The following RAB36 variants were observed in gnomAD, a reference collection of about 807,000 sequenced individuals.
The protein encoded by RAB36 is ras-related protein Rab-36.
RAB36 carries 33 observed loss-of-function variants against 39.3 expected under a neutral mutation model. That is an observed-to-expected ratio of 0.84 (90% CI 0.64 to 1.12). The LOEUF is 1.12. Ranked by LOEUF, RAB36 falls within the 50% of genes most tolerant of loss-of-function variation. The pLI is 0.00. For synonymous variants in RAB36, 133 were observed against 140.2 expected (o/e 0.95, Z 0.36); for missense variants, 308 against 355.3 (o/e 0.87, Z 1.07).
At chr22:23,157,923 C>T (rs2071551262) in intron 6 of RAB36, 69 bp from the exon 7 acceptor site, 3 of 1,606,388 alleles carry the variant, frequency 1.9e-6, no homozygotes, top group Admixed American at 1.7e-5. Flanking sequence ...GAGCTGGGCA[C>T]CTCCTGGGGA....
chr22:23,158,296 G>T (rs1228074262), intron 7 of RAB36, among the ~76,000 whole-genome samples: 1 of 152,188 alleles, frequency 6.6e-6, no homozygotes, highest in Non-Finnish European at 1.5e-5. Flanking sequence ...GCTCAGAGGG[G>T]CCCCAACCTG....
chr22:23,146,783 A>G, intron 2 of RAB36, 98 bp downstream of exon 2: 17 of 1,501,848 alleles, frequency 1.1e-5, no homozygotes, highest in Non-Finnish European at 1.5e-5. Context: ...AGGTGAATCA[A>G]GGAGGTCTGT....
rs56254210 is a variant in RAB36 at position 23,156,145 on chromosome 22, G to GAA, written c.394+114_394+115insAA. 2,173 of 882,492 alleles carry GAA rather than the reference G, an allele frequency of 2.5e-3. 7 individuals carry two copies. The highest frequency in any genetic ancestry group is 5.3e-3 in the African/African-American group (307 of 58,104). 54.7% of individuals were successfully genotyped at this position (882,492 alleles called of 1,614,324 possible). ...CAGGCACCAGTTTTTTGTCCTCCAAGACCCACTGAGAAAACACCAGGCCAC... is the reference window on the plus strand; with the variant it reads ...CAGGCACCAGTTTTTTGTCCTCCAAGAAACCCACTGAGAAAACACCAGGCCAC... On this transcript the variant is annotated intron_variant, in intron 6 of 10. Transcript: ENST00000263116.
chr22:23,154,937 C>T (rs2071371125), intron 5 of RAB36, among the ~76,000 whole-genome samples: 1 of 152,078 alleles, frequency 6.6e-6, no homozygotes. Context: ...ACCAGCCTGA[C>T]CAACATGGAG....
chr22:23,155,686 G>A (rs895227090), intron 5 of RAB36, among the ~76,000 whole-genome samples: 1 of 152,236 alleles, frequency 6.6e-6, no homozygotes, highest in Admixed American at 6.5e-5. Flanking sequence ...GTCTCAGTCA[G>A]AAGGGAGTGA....
intron 9 of RAB36, among the ~76,000 whole-genome samples, 192 bp downstream of exon 9, chr22:23,159,445 A>G (rs1197097517): frequency 1.3e-5 from 2 of 152,236 alleles, no homozygotes; most frequent in African/African-American, 2.4e-5. Context: ...GAGCTGCGTC[A>G]TCTCTAGAAG....
In RAB36 at chr22:23,145,518, C is replaced by T. The variant is rs1382341042; in HGVS notation, c.-46C>T. The stretch of plus-strand genomic sequence containing the variant: ...CCGCCGCTGGCTCAGGCGGACCAGG[C>T]CGCGCGGAGCCCCAGCTTTCACAGC... On this transcript the variant is annotated 5_prime_UTR_variant, in exon 1 of 11. Transcript: ENST00000263116. The T allele has an allele frequency of 2.4e-5, 38 of 1,604,202 alleles. No individual in the cohort carries two copies. Among genetic ancestry groups the T allele is most frequent in the Non-Finnish European group, 3.1e-5 (37 of 1,179,448 alleles).
At chr22:23,149,406 AC>A (rs1374280146) in intron 2 of RAB36, among the ~76,000 whole-genome samples, 1 of 152,132 alleles carries the variant, frequency 6.6e-6, no homozygotes, top group Non-Finnish European at 1.5e-5. Context: ...GTTTTTTCTG[AC>A]CCTGAGGCCC....
intron 1 of RAB36, chr22:23,145,885 G>A (rs750184773): frequency 9.8e-5 from 74 of 753,656 alleles, no homozygotes; most frequent in Non-Finnish European, 1.2e-4. Context: ...GTGAAGTGAG[G>A]GTTTTCAGGG....
downstream of RAB36, among the ~76,000 whole-genome samples, chr22:23,167,398 C>T (rs756514943): frequency 1.7e-4 from 26 of 152,292 alleles, no homozygotes; most frequent in Non-Finnish European, 2.9e-4. Context: ...CCACAGGGAC[C>T]GGAGCAAGGC....
downstream of RAB36, among the ~76,000 whole-genome samples, chr22:23,166,896 T>A (rs2072061795): frequency 6.6e-6 from 1 of 151,410 alleles, no homozygotes; most frequent in South Asian, 2.1e-4. Flanking sequence ...CCTGGGGGAG[T>A]AGCAAGAGGC....
At chr22:23,156,162 C>G (rs1437813670) in intron 6 of RAB36, 130 bp downstream of exon 6, 2 of 755,120 alleles carry the variant, frequency 2.6e-6, no homozygotes, top group Admixed American at 6.0e-5. Flanking sequence ...TGAGAAAACA[C>G]CAGGCCACTG....
Position 23,146,096 on chromosome 22 carries a change from C to G in RAB36, c.-12-509C>G, listed in dbSNP as rs2070755351. 17 of 890,892 alleles carry G rather than the reference C, an allele frequency of 1.9e-5. 1 individual carries two copies. The South Asian group carries it at 7.8e-4, about 41-fold the overall frequency. The allele number at this position is 890,892 out of a possible 1,614,324, so 55.2% of individuals were successfully genotyped here. A position where few individuals can be genotyped will look rare whatever the true frequency, so the allele number is the denominator to read the frequency against. On this transcript the variant is annotated intron_variant, in intron 1 of 10. Transcript: ENST00000263116. ...AAGGGGAGACCCAGGTCTTCTGACT[C>G]CCAGGCAGGGTGGGGCAGGCCTGGT...
rs71744650 is a variant in RAB36, at chr22:23,163,606, G to GCCCCCCCCCCCCCCCCCCCCCCCC, written c.*2052_*2053insCCCCCCCCCCCCCCCCCCCCCCCC. 18 of 125,334 alleles carry GCCCCCCCCCCCCCCCCCCCCCCCC rather than the reference G, an allele frequency of 1.4e-4. 1 individual carries two copies. The highest frequency in any genetic ancestry group is 2.7e-4 in the Non-Finnish European group (15 of 55,730). 7.8% of individuals were successfully genotyped at this position (125,334 alleles called of 1,614,324 possible). ...AAAGCATATAAAATACAAGGTGAAAGCCCCCCCCCCGCCACATTAGCTGCG... is the reference window on the plus strand; with the variant it reads ...AAAGCATATAAAATACAAGGTGAAAGCCCCCCCCCCCCCCCCCCCCCCCCCCCCCCCCCCGCCACATTAGCTGCG... On this transcript the variant is annotated 3_prime_UTR_variant, in exon 11 of 11. Transcript: ENST00000263116.
chr22:23,153,403 C>T, intron 5 of RAB36: 1 of 234,756 alleles, frequency 4.3e-6, no homozygotes, highest in Non-Finnish European at 7.0e-6. Flanking sequence ...AATGCCCACC[C>T]CACTCCTCTT....
chr22:23,145,428 GC>G, upstream of RAB36: 1 of 1,610,636 alleles, frequency 6.2e-7, no homozygotes. Context: ...CGCAGACCCC[GC>G]CCACGACGTC....
rs779359664 is a variant in RAB36 at position 23,150,127 on chromosome 22, G to A, written c.134G>A (p.Cys45Tyr). ...EHFHGQVSAA[C>Y]QRRNTGTVGL... ...TTCCACGGGCAGGTCAGCGCTGCCT[G>A]CCAACGCAGGAACACGGGGACTGTC... The change falls in exon 3 of 11, where the codon TGC becomes TAC. Residue 45 changes from cysteine (C) to tyrosine (Y), a missense_variant. Coordinates refer to ENST00000263116, the MANE Select transcript of RAB36 (RefSeq NM_004914.5). The A allele has an allele frequency of 4.1e-5, 66 of 1,612,282 alleles. No individual in the cohort carries two copies. The highest frequency in any genetic ancestry group is 5.2e-5 in the Non-Finnish European group (61 of 1,179,386).
At chr22:23,166,147 T>TAAAAAAAAAAAAAA (rs695297), downstream of RAB36, among the ~76,000 whole-genome samples, 12 of 59,886 alleles carry the variant, frequency 2.0e-4, no homozygotes, top group African/African-American at 8.5e-4. Context: ...CTCTGTCTTT[T>TAAAAAAAAAAAAAA]AAAAAAAAAA....
chr22:23,157,544 C>CCA (rs1468309578), intron 6 of RAB36, among the ~76,000 whole-genome samples: 6 of 152,192 alleles, frequency 3.9e-5, no homozygotes, highest in Non-Finnish European at 8.8e-5. Flanking sequence ...CAGGCATGAG[C>CCA]CACAGCGCCT....
Sources: gnomAD v4.1 joint callset for allele counts (sites outside exome capture counted in the v4.1 genomes callset) on GRCh38, gnomAD v4.1.1 for gene constraint, MANE v1.5 for transcripts, NCBI Gene and HGNC (gene_info 2026-07-23, HGNC 2026-07-21) for gene names.